The following MYH11 variants were observed in gnomAD, a reference collection of about 807,000 sequenced individuals.
MYH11 encodes myosin-11.
In MYH11, 80 loss-of-function variants were observed where a neutral mutation model predicts 246.6. That is an observed-to-expected ratio of 0.32 (90% CI 0.27 to 0.39). MYH11 has a LOEUF of 0.39. MYH11 is among the 10% of genes least tolerant of loss of function. The pLI is 1.00. For missense variants in MYH11, 2,158 were observed against 2,546.8 expected, an observed-to-expected ratio of 0.85 and a Z score of 3.29; for synonymous variants, 1,071 against 1,015.5, an observed-to-expected ratio of 1.05 and a Z score of -1.04.
chr16:15,731,141 A>G (rs1385766961), intron 27 of MYH11, among the ~76,000 whole-genome samples: 1 of 152,240 alleles, frequency 6.6e-6, no homozygotes, highest in East Asian at 1.9e-4. Flanking sequence ...CAGTCTGCAG[A>G]GAAATTAAAG....
intron 7 of MYH11, among the ~76,000 whole-genome samples, chr16:15,778,575 T>C (rs1243848193): frequency 4.6e-5 from 7 of 152,180 alleles, no homozygotes; most frequent in Non-Finnish European, 8.8e-5. Flanking sequence ...CAGCCTAGGC[T>C]GCTTGTTTAG....
chr16:15,727,967 T>C (rs1205012430), intron 27 of MYH11, among the ~76,000 whole-genome samples: 1 of 152,126 alleles, frequency 6.6e-6, no homozygotes, highest in African/African-American at 2.4e-5. Context: ...TGAGACCCTG[T>C]TTCAGAAATA....
intron 2 of MYH11, among the ~76,000 whole-genome samples, chr16:15,835,105 T>C (rs9921362): frequency 2.7e-3 from 401 of 149,714 alleles, no homozygotes; most frequent in African/African-American, 9.4e-3. Context: ...AAGTTATGAG[T>C]TGCTAAGTTG....
intron 32 of MYH11, 74 bp downstream of exon 32, chr16:15,721,348 C>T: frequency 6.0e-6 from 9 of 1,508,364 alleles, no homozygotes; most frequent in East Asian, 2.3e-5. Flanking sequence ...GAGCTAGCCT[C>T]GCATGGACTG....
intron 9 of MYH11, among the ~76,000 whole-genome samples, chr16:15,764,330 T>A (rs1273439962): frequency 8.5e-5 from 13 of 152,070 alleles, no homozygotes; most frequent in Admixed American, 8.5e-4. Flanking sequence ...ATGAATGAGC[T>A]ACAACTACCA....
intron 9 of MYH11, 138 bp downstream of exon 9, chr16:15,771,431 C>T: frequency 2.1e-6 from 2 of 965,958 alleles, no homozygotes; most frequent in South Asian, 3.5e-5. Flanking sequence ...AATTCATTTT[C>T]CTCCTTTTTT....
At chr16:15,746,181 C>T (rs975950254) in intron 19 of MYH11, among the ~76,000 whole-genome samples, 4 of 151,990 alleles carry the variant, frequency 2.6e-5, no homozygotes, top group Non-Finnish European at 5.9e-5. Context: ...CTGCCTCGGC[C>T]TCCCAAAGTG....
rs1049173836 is a variant in MYH11 at position 15,721,011 on chromosome 16, T to C, written c.4619A>G (p.Gln1540Arg). The change falls in exon 33 of 41, where the codon CAG (glutamine) becomes CGG (arginine). Residue 1540 changes from glutamine to arginine, a missense_variant. Gln to Arg is a conservative substitution (Grantham distance 43). Transcript: ENST00000300036. ...LEKSKRALET[Q>R]MEEMKTQLEE... Reference sequence around the variant, plus strand: ...CAGCTGCGTCTTCATCTCCTCCATCTGGGTCTCCAGGGCCCGCTTGGACTT... The same window carrying C: ...CAGCTGCGTCTTCATCTCCTCCATCCGGGTCTCCAGGGCCCGCTTGGACTT... 1.2e-6 allele frequency: 2 copies of C among 1,613,986 alleles called. No homozygotes were observed. The highest frequency in any genetic ancestry group is 1.7e-6 in the Non-Finnish European group (2 of 1,180,034).
intron 3 of MYH11, among the ~76,000 whole-genome samples, chr16:15,807,365 C>T (rs1162533447): frequency 1.3e-5 from 2 of 152,030 alleles, no homozygotes; most frequent in South Asian, 2.1e-4. Context: ...AAGAAATGAC[C>T]GTAAGAGATG....
In MYH11 at chr16:15,735,357, G is replaced by A. The variant is rs369837669; in HGVS notation, c.3506+9C>T. 1.2e-5 allele frequency: 19 copies of A among 1,613,150 alleles called. No homozygotes were observed. The African/African-American group carries it at 1.9e-4, about 16-fold the overall frequency. ...GATAGCAGGATGGTGGGATTGATGG[G>A]CCCCTCACCTGAGCTCCTGCTGAGT... On this transcript the variant is annotated intron_variant, in intron 26 of 40. Coordinates refer to ENST00000300036, the MANE Select transcript of MYH11 (RefSeq NM_002474.3).
At chr16:15,749,729 A>T (rs372733848) in intron 16 of MYH11, 42 of 264,816 alleles carry the variant, frequency 1.6e-4, no homozygotes, top group African/African-American at 9.0e-4. Flanking sequence ...CCTGGTTGTG[A>T]CAACCAAAAA....
chr16:15,722,137 G>T (rs2040519204), intron 31 of MYH11, among the ~76,000 whole-genome samples: 1 of 152,128 alleles, frequency 6.6e-6, no homozygotes, highest in Non-Finnish European at 1.5e-5. Flanking sequence ...GAGATTACAG[G>T]TGTGAGCCAC....
chr16:15,708,161 G>GA (rs754960973), intron 40 of MYH11, among the ~76,000 whole-genome samples: 8 of 152,154 alleles, frequency 5.3e-5, no homozygotes, highest in Non-Finnish European at 8.8e-5. Flanking sequence ...CCCGTGTGCT[G>GA]AAAATGCAGT....
chr16:15,778,858 A>G lies in MYH11; in HGVS notation c.727-15T>C. 1 of 1,613,948 alleles carries G rather than the reference A, an allele frequency of 6.2e-7. No homozygotes were observed. On this transcript the variant is annotated splice_polypyrimidine_tract_variant and intron_variant, in intron 6 of 40. Coordinates refer to ENST00000300036, the MANE Select transcript of MYH11 (RefSeq NM_002474.3). The stretch of plus-strand genomic sequence containing the variant: ...ATGAATTTGCCCTGCCAACAGGAAA[A>G]CACAGTTCAGGCTTTGCTGCCCAAC...
At chr16:15,770,600 C>T (rs1437334681) in intron 9 of MYH11, among the ~76,000 whole-genome samples, 4 of 152,110 alleles carry the variant, frequency 2.6e-5, no homozygotes, top group Non-Finnish European at 5.9e-5. Flanking sequence ...TCCACTGCCT[C>T]GATCACTCCC....
intron 40 of MYH11, among the ~76,000 whole-genome samples, chr16:15,704,684 G>A (rs761071411): frequency 7.2e-5 from 11 of 152,208 alleles, no homozygotes; most frequent in East Asian, 1.9e-4. Flanking sequence ...GTTAAAAGGC[G>A]AGACAGCACC....
chr16:15,705,777 C>G (rs986205442), intron 40 of MYH11, among the ~76,000 whole-genome samples: 1 of 151,688 alleles, frequency 6.6e-6, no homozygotes, highest in Non-Finnish European at 1.5e-5. Context: ...GTCAGGAGAT[C>G]GAGACCATCC....
intron 3 of MYH11, among the ~76,000 whole-genome samples, chr16:15,807,410 T>C (rs2043038799): frequency 6.6e-6 from 1 of 152,156 alleles, no homozygotes; most frequent in Non-Finnish European, 1.5e-5. Context: ...CCAAGTGCTA[T>C]AGACGTCAGG....
chr16:15,718,080 AGCCACGCCGT>A, intron 37 of MYH11: 1 of 636,070 alleles, frequency 1.6e-6, no homozygotes, highest in Non-Finnish European at 2.7e-6. Flanking sequence ...ACGGGGAGCC[AGCCACGCCGT>A]GGCTGGAAAA....
Sources: gnomAD v4.1 joint callset for allele counts (sites outside exome capture counted in the v4.1 genomes callset) on GRCh38, gnomAD v4.1.1 for gene constraint, MANE v1.5 for transcripts, NCBI Gene and HGNC (gene_info 2026-07-23, HGNC 2026-07-21) for gene names.